The following MEGF9 variants were observed in gnomAD, a reference collection of about 807,000 sequenced individuals.
MEGF9 encodes multiple EGF like domains 9, also known as multiple epidermal growth factor-like domains protein 9.
A neutral mutation model predicts 46.8 loss-of-function variants in MEGF9; 6 were observed. The observed-to-expected ratio is 0.13, with a 90% confidence interval of 0.07 to 0.25. The LOEUF (loss-of-function observed/expected upper bound fraction) is 0.25. Ranked by LOEUF, MEGF9 falls within the 10% of genes least tolerant of loss-of-function variation. The probability of loss-of-function intolerance (pLI) is 1.00; values close to 1 mark genes in which losing one functional copy is unlikely to be tolerated. For synonymous variants in MEGF9, 302 were observed against 330.7 expected, an observed-to-expected ratio of 0.91 and a Z score of 0.94; for missense variants, 683 against 792.4, an observed-to-expected ratio of 0.86 and a Z score of 1.66.
At chr9:120,661,531 C>T (rs1486389914) in intron 1 of MEGF9, among the ~76,000 whole-genome samples, 3 of 152,122 alleles carry the variant, frequency 2.0e-5, no homozygotes, top group South Asian at 4.1e-4. Flanking sequence ...AAATAATTAA[C>T]GTAAAATAAA....
At chr9:120,659,958 T>C (rs1800841601) in intron 1 of MEGF9, among the ~76,000 whole-genome samples, 1 of 150,894 alleles carries the variant, frequency 6.6e-6, no homozygotes, top group African/African-American at 2.4e-5. Flanking sequence ...GCTCAGATGA[T>C]TAACTTTGGC....
intron 1 of MEGF9, among the ~76,000 whole-genome samples, chr9:120,683,232 C>A (rs566770301): frequency 1.3e-5 from 2 of 152,268 alleles, no homozygotes; most frequent in Non-Finnish European, 2.9e-5. Flanking sequence ...GAATAGAAAT[C>A]TCTGGTGGGG....
intron 2 of MEGF9, among the ~76,000 whole-genome samples, chr9:120,635,040 A>T (rs2043568063): frequency 6.6e-6 from 1 of 152,160 alleles, no homozygotes; most frequent in Admixed American, 6.5e-5. Context: ...CTTATCTGGG[A>T]AAGACTTTAT....
At chr9:120,686,281 G>A (rs1435149035) in intron 1 of MEGF9, among the ~76,000 whole-genome samples, 3 of 152,068 alleles carry the variant, frequency 2.0e-5, no homozygotes, top group African/African-American at 7.2e-5. Context: ...TAGTAGAGAC[G>A]GGGTTTCACT....
In MEGF9 at chr9:120,602,895, G is replaced by C. The variant is rs559454435; in HGVS notation, c.*2295C>G. ...CAAATTTTCCCTTCCTGCTTGGAGA[G>C]ATGAGTTCACCTTAATGAAGCACAA... On this transcript the variant is annotated 3_prime_UTR_variant, in exon 6 of 6. Transcript: ENST00000373930. 1 of 152,202 alleles carries C rather than the reference G, an allele frequency of 6.6e-6. No homozygotes were observed. The highest frequency in any genetic ancestry group is 2.4e-5 in the African/African-American group (1 of 41,522). 9.4% of individuals were successfully genotyped at this position (152,202 alleles called of 1,614,324 possible). A position where few individuals can be genotyped will look rare whatever the true frequency, so the allele number is the denominator to read the frequency against.
At chr9:120,650,420 A>G (rs2132317683) in intron 2 of MEGF9, among the ~76,000 whole-genome samples, 1 of 152,370 alleles carries the variant, frequency 6.6e-6, no homozygotes, top group East Asian at 1.9e-4. Flanking sequence ...GCAAAACTGA[A>G]AAGTTCAGAT....
chr9:120,618,709 C>A (rs2043483290), intron 3 of MEGF9, among the ~76,000 whole-genome samples: 1 of 151,964 alleles, frequency 6.6e-6, no homozygotes, highest in Admixed American at 6.5e-5. Flanking sequence ...ATCAGCCTGG[C>A]CACCATGGTG....
intron 1 of MEGF9, among the ~76,000 whole-genome samples, chr9:120,675,324 T>C (rs1432044638): frequency 6.6e-6 from 1 of 152,204 alleles, no homozygotes; most frequent in Non-Finnish European, 1.5e-5. Context: ...CAGTGGGTCA[T>C]ATCTGTAATC....
chr9:120,626,643 A>G (rs2043526709), intron 2 of MEGF9, among the ~76,000 whole-genome samples: 1 of 152,182 alleles, frequency 6.6e-6, no homozygotes, highest in African/African-American at 2.4e-5. Flanking sequence ...CAGAATTTCC[A>G]TTATTTTACA....
intron 2 of MEGF9, among the ~76,000 whole-genome samples, chr9:120,634,441 A>T: frequency 1.1e-5 from 1 of 92,062 alleles, no homozygotes; most frequent in African/African-American, 4.2e-5. Context: ...ATATGTGTGG[A>T]ATATCTTTTT....
rs577233388 is a variant in MEGF9 at position 120,647,171 on chromosome 9, A to G, written c.803+12203T>C. Among the ~76,000 whole-genome samples the G allele has an allele frequency of 9.0e-4, 136 of 151,366 alleles. No individual in the cohort carries two copies. The Middle Eastern group carries it at 0.01, about 11-fold the overall frequency. ...TTTTTTTTTTTTCATTCATTTGACTACAGCTGATATCTAGTTAATGATTAG... is the reference window on the plus strand; with the variant it reads ...TTTTTTTTTTTTCATTCATTTGACTGCAGCTGATATCTAGTTAATGATTAG... On this transcript the variant is annotated intron_variant, in intron 2 of 5. Coordinates refer to ENST00000373930, the MANE Select transcript of MEGF9 (RefSeq NM_001080497.3).
chr9:120,681,234 G>T (rs956741392), intron 1 of MEGF9, among the ~76,000 whole-genome samples: 1 of 152,054 alleles, frequency 6.6e-6, no homozygotes, highest in African/African-American at 2.4e-5. Context: ...GGGCTCTTTA[G>T]TCAGTAGGTG....
intron 2 of MEGF9, among the ~76,000 whole-genome samples, chr9:120,630,445 CTAT>C (rs1431715609): frequency 6.6e-6 from 1 of 152,190 alleles, no homozygotes; most frequent in Admixed American, 6.5e-5. Flanking sequence ...TGTATCTTGG[CTAT>C]TGTGAAGTGC....
intron 1 of MEGF9, among the ~76,000 whole-genome samples, chr9:120,701,139 A>AT (rs1363633726): frequency 6.6e-6 from 1 of 151,446 alleles, no homozygotes; most frequent in Non-Finnish European, 1.5e-5. Context: ...AAAAAAAAAA[A>AT]CAATTTCCAA....
intron 1 of MEGF9, chr9:120,689,888 A>C (rs1027645535): frequency 2.0e-6 from 1 of 511,148 alleles, no homozygotes; most frequent in Non-Finnish European, 4.0e-6. Flanking sequence ...ACCTGATAAC[A>C]ATTTTCATCC....
In MEGF9 at chr9:120,714,440, G is replaced by C; in HGVS notation, c.-82C>G. The C allele has an allele frequency of 8.8e-7, 1 of 1,140,082 alleles. No homozygotes were observed. Among genetic ancestry groups the C allele is most frequent in the Non-Finnish European group, 1.1e-6 (1 of 906,330 alleles). The allele number at this position is 1,140,082 out of a possible 1,614,324, so 70.6% of individuals were successfully genotyped here. A position where few individuals can be genotyped will look rare whatever the true frequency, so the allele number is the denominator to read the frequency against. ...AGCCTCCGCAACCGCCGCCGCCACC[G>C]CCACCGGGCGCACCATCGCCACCTC... On this transcript the variant is annotated 5_prime_UTR_variant, in exon 1 of 6. Transcript: ENST00000373930.
At chr9:120,610,293 T>C (rs373313219) in intron 4 of MEGF9, among the ~76,000 whole-genome samples, 27 of 152,292 alleles carry the variant, frequency 1.8e-4, no homozygotes, top group African/African-American at 6.5e-4. Flanking sequence ...TCAACAACTA[T>C]AGCAACAATA....
intron 2 of MEGF9, among the ~76,000 whole-genome samples, chr9:120,624,389 G>A (rs941021570): frequency 4.6e-5 from 7 of 151,922 alleles, no homozygotes; most frequent in Middle Eastern, 3.2e-3. Flanking sequence ...CACCACATCC[G>A]GCTAATTTTT....
intron 2 of MEGF9, among the ~76,000 whole-genome samples, chr9:120,628,914 A>G (rs1004474814): frequency 1.3e-5 from 2 of 152,210 alleles, no homozygotes; most frequent in African/African-American, 4.8e-5. Context: ...TCTCAATGAT[A>G]CAATCTCATA....
Sources: allele counts gnomAD v4.1 joint callset (sites outside exome capture counted in the v4.1 genomes callset), GRCh38; gene constraint gnomAD v4.1.1; transcripts MANE v1.5; gene names NCBI Gene and HGNC (gene_info 2026-07-23, HGNC 2026-07-21).